TFAP2D: variants seen among roughly 807,000 people sequenced by gnomAD.
The protein encoded by TFAP2D is transcription factor AP-2 delta.
A neutral mutation model predicts 43.6 loss-of-function variants in TFAP2D; 9 were observed. The ratio of observed to expected loss-of-function variants is 0.21; its 90% CI spans 0.12 to 0.36. TFAP2D has a LOEUF of 0.36. TFAP2D is among the 10% of genes least tolerant of loss of function. The probability of loss-of-function intolerance (pLI) is 1.00; values close to 1 mark genes in which losing one functional copy is unlikely to be tolerated. For synonymous variants in TFAP2D, 256 were observed against 224.9 expected, an observed-to-expected ratio of 1.14 and a Z score of -1.24; for missense variants, 513 against 561.4, an observed-to-expected ratio of 0.91 and a Z score of 0.87.
intron 1 of TFAP2D, among the ~76,000 whole-genome samples, chr6:50,714,442 A>G (rs1272067308): frequency 6.6e-6 from 1 of 152,144 alleles, no homozygotes; most frequent in Middle Eastern, 3.2e-3. Context: ...GTGGGGAAGC[A>G]GTAGATGCAC....
chr6:50,748,586 C>T (rs946104608), intron 6 of TFAP2D, among the ~76,000 whole-genome samples: 1 of 151,696 alleles, frequency 6.6e-6, no homozygotes, highest in Non-Finnish European at 1.5e-5. Context: ...CACCTTATTT[C>T]CAGTGTTTTG....
At chr6:50,772,514 T>C (rs1228474412) in intron 7 of TFAP2D, 131 bp from the exon 8 acceptor site, 2 of 789,178 alleles carry the variant, frequency 2.5e-6, no homozygotes, top group African/African-American at 1.7e-5. Flanking sequence ...TCTTCCACAA[T>C]GCTTAGCATC....
At chr6:50,723,530 T>C (rs1387067177) in intron 3 of TFAP2D, among the ~76,000 whole-genome samples, 1 of 152,222 alleles carries the variant, frequency 6.6e-6, no homozygotes, top group African/African-American at 2.4e-5. Flanking sequence ...CTATGGTTCA[T>C]CCATTATGGG....
chr6:50,724,860 G>T (rs1361581534), intron 3 of TFAP2D, among the ~76,000 whole-genome samples: 1 of 151,944 alleles, frequency 6.6e-6, no homozygotes, highest in Non-Finnish European at 1.5e-5. Flanking sequence ...AAAAAGTGGC[G>T]GGGTTGGGTG....
intron 3 of TFAP2D, among the ~76,000 whole-genome samples, chr6:50,720,454 C>T (rs1378604022): frequency 6.6e-6 from 1 of 150,410 alleles, no homozygotes; most frequent in African/African-American, 2.5e-5. Flanking sequence ...AAGAGCTGCT[C>T]AACACTTCTT....
At chr6:50,732,355 T>C (rs922706605) in intron 5 of TFAP2D, among the ~76,000 whole-genome samples, 1 of 152,086 alleles carries the variant, frequency 6.6e-6, no homozygotes, top group Non-Finnish European at 1.5e-5. Flanking sequence ...CTCTAGAAAC[T>C]GTTGCTGAAA....
intron 7 of TFAP2D, among the ~76,000 whole-genome samples, chr6:50,757,316 T>C (rs1769286770): frequency 7.2e-6 from 1 of 139,540 alleles, no homozygotes; most frequent in Non-Finnish European, 1.5e-5. Context: ...ATTCTCTATA[T>C]TCTCTATAGA....
chr6:50,758,921 G>A (rs1376956786), intron 7 of TFAP2D, among the ~76,000 whole-genome samples: 1 of 151,968 alleles, frequency 6.6e-6, no homozygotes, highest in Non-Finnish European at 1.5e-5. Context: ...CCTAGGAGAA[G>A]GTTCAGAAGC....
At chr6:50,768,466 T>C (rs919018008) in intron 7 of TFAP2D, among the ~76,000 whole-genome samples, 12 of 152,026 alleles carry the variant, frequency 7.9e-5, no homozygotes, top group African/African-American at 2.4e-4. Context: ...CTCAAGGCTC[T>C]GAGATTACAG....
rs542583126 is a variant in TFAP2D at position 50,760,235 on chromosome 6, G to A, written c.1139+8911G>A. On this transcript the variant is annotated intron_variant, in intron 7 of 7. Transcript: ENST00000008391. ...AGGTCTTGTGGGAAATGCTGCAGAA[G>A]TTTATCATCCTCTTTTTCCCAAGGA... Among the ~76,000 whole-genome samples, 12 of 152,074 alleles carry A rather than the reference G, an allele frequency of 7.9e-5. No homozygotes were observed. The East Asian group carries it at 1.9e-3, about 25-fold the overall frequency.
intron 7 of TFAP2D, among the ~76,000 whole-genome samples, chr6:50,761,948 G>GT (rs1173212696): frequency 7.9e-4 from 120 of 152,000 alleles, no homozygotes; most frequent in Non-Finnish European, 4.6e-4. Flanking sequence ...GGATTATAAG[G>GT]TGCAAAGAGA....
At chr6:50,728,731 G>T (rs1204275872) in intron 3 of TFAP2D, 125 bp from the exon 4 acceptor site, 33 of 855,102 alleles carry the variant, frequency 3.9e-5, no homozygotes, top group Non-Finnish European at 5.9e-5. Flanking sequence ...TGATCTGGGG[G>T]ATATATAAGT....
chr6:50,729,417 A>G lies in TFAP2D; in HGVS notation c.883+105A>G. The G allele has an allele frequency of 3.3e-6, 3 of 898,928 alleles. No individual in the cohort carries two copies. The South Asian group carries it at 5.0e-5, about 15-fold the overall frequency. The allele number at this position is 898,928 out of a possible 1,614,324, so 55.7% of individuals were successfully genotyped here. On this transcript the variant is annotated intron_variant, in intron 5 of 7. Transcript: ENST00000008391. Reference sequence around the variant, plus strand: ...TTATTTTTGTCTGTACCATTAAGCAAGTCAGTTAACAGTTAAGGTAAATTT... The same window carrying G: ...TTATTTTTGTCTGTACCATTAAGCAGGTCAGTTAACAGTTAAGGTAAATTT...
intron 3 of TFAP2D, among the ~76,000 whole-genome samples, chr6:50,719,501 G>GAAAGA (rs3835214): frequency 0.081 from 10,854 of 133,510 alleles, 529 homozygotes; most frequent in East Asian, 0.14. Flanking sequence ...AAGAAAGAAA[G>GAAAGA]AAGTTTCTCA....
chr6:50,757,818 A>AAT (rs991226432), intron 7 of TFAP2D, among the ~76,000 whole-genome samples: 1 of 123,606 alleles, frequency 8.1e-6, no homozygotes, highest in Non-Finnish European at 1.7e-5. Context: ...ATATATATAG[A>AAT]ATATATATAA....
intron 5 of TFAP2D, among the ~76,000 whole-genome samples, chr6:50,735,891 G>T (rs975224508): frequency 2.6e-5 from 4 of 152,154 alleles, no homozygotes; most frequent in Admixed American, 2.6e-4. Flanking sequence ...AGACTTGTAG[G>T]CTTGAAAACC....
chr6:50,713,906 C>A lies in TFAP2D; in HGVS notation c.-150C>A. 2.4e-6 allele frequency: 3 copies of A among 1,232,258 alleles called. No homozygotes were observed. The highest frequency in any genetic ancestry group is 1.3e-5 in the South Asian group (1 of 75,296). The allele number at this position is 1,232,258 out of a possible 1,614,324, so 76.3% of individuals were successfully genotyped here. On this transcript the variant is annotated 5_prime_UTR_variant, in exon 1 of 8. Coordinates refer to ENST00000008391, the MANE Select transcript of TFAP2D (RefSeq NM_172238.4). ...GGTACGAGGCAAGGAGCTATCTGATCCGGGCAAAACCATTACAATTTAGAT... is the reference window on the plus strand; with the variant it reads ...GGTACGAGGCAAGGAGCTATCTGATACGGGCAAAACCATTACAATTTAGAT...
intron 5 of TFAP2D, among the ~76,000 whole-genome samples, chr6:50,737,030 G>T (rs1768974414): frequency 6.6e-6 from 1 of 151,986 alleles, no homozygotes; most frequent in Non-Finnish European, 1.5e-5. Context: ...GTCCAGACTG[G>T]AGTGTAGTGG....
rs533024131 is a variant in TFAP2D at position 50,769,532 on chromosome 6, C to T, written c.1140-3113C>T. 2.8e-4 allele frequency among the ~76,000 whole-genome samples: 42 copies of T among 152,288 alleles called. 2 individuals carry two copies. The South Asian group carries it at 6.8e-3, about 25-fold the overall frequency. ...GGAATCTTTAAATATGGAAACAGCT[C>T]TTTTCTCAAAGTGGATAATAAAAGC... On this transcript the variant is annotated intron_variant, in intron 7 of 7. Coordinates refer to ENST00000008391, the MANE Select transcript of TFAP2D (RefSeq NM_172238.4).
Sources: gnomAD v4.1 joint callset for allele counts (sites outside exome capture counted in the v4.1 genomes callset) on GRCh38, gnomAD v4.1.1 for gene constraint, MANE v1.5 for transcripts, NCBI Gene and HGNC (gene_info 2026-07-23, HGNC 2026-07-21) for gene names.